Variants in TRHDE observed in about 807,000 individuals in gnomAD.
The protein encoded by TRHDE is thyrotropin releasing hormone degrading enzyme, also known as thyrotropin-releasing hormone-degrading ectoenzyme.
In TRHDE, 72 loss-of-function variants were observed where a neutral mutation model predicts 125.7. The ratio of observed to expected loss-of-function variants is 0.57; its 90% CI spans 0.47 to 0.70. The LOEUF (loss-of-function observed/expected upper bound fraction) is 0.70, where lower values mean the gene tolerates loss of function less well. Among genes scored for constraint, TRHDE ranks in the 30% least tolerant of loss-of-function variants. TRHDE has a pLI of 0.00. For synonymous variants in TRHDE, 509 were observed against 509.1 expected, an observed-to-expected ratio of 1.00 and a Z score of 0.00; for missense variants, 1,110 against 1,327.1, an observed-to-expected ratio of 0.84 and a Z score of 2.54.
intron 2 of TRHDE, among the ~76,000 whole-genome samples, chr12:72,360,651 AGAG>A (rs1158260819): frequency 6.6e-6 from 1 of 151,770 alleles, no homozygotes; most frequent in East Asian, 1.9e-4. Context: ...AGTCTTTTGA[AGAG>A]AAATGGATAA....
chr12:72,661,586 A>C (rs1164317521), intron 18 of TRHDE, among the ~76,000 whole-genome samples: 1 of 152,162 alleles, frequency 6.6e-6, no homozygotes, highest in African/African-American at 2.4e-5. Flanking sequence ...TAAATATATA[A>C]GTACAAATGT....
At chr12:72,643,848 C>A (rs1874168581) in intron 15 of TRHDE, among the ~76,000 whole-genome samples, 1 of 152,072 alleles carries the variant, frequency 6.6e-6, no homozygotes, top group Non-Finnish European at 1.5e-5. Flanking sequence ...TCAAAGATGA[C>A]TGATTAAACT....
intron 2 of TRHDE, among the ~76,000 whole-genome samples, chr12:72,152,791 A>G (rs1362198995): frequency 5.9e-5 from 9 of 152,098 alleles, no homozygotes; most frequent in Non-Finnish European, 8.8e-5. Flanking sequence ...TGCTGGATTC[A>G]GTTTGCCAGT....
intron 5 of TRHDE, among the ~76,000 whole-genome samples, chr12:72,477,262 G>A (rs1391449892): frequency 6.6e-6 from 1 of 152,126 alleles, no homozygotes; most frequent in Non-Finnish European, 1.5e-5. Context: ...GTATAGATAA[G>A]CTAACATTTC....
chr12:72,320,097 A>G (rs1251434311), intron 2 of TRHDE, among the ~76,000 whole-genome samples: 2 of 152,002 alleles, frequency 1.3e-5, no homozygotes, highest in Non-Finnish European at 2.9e-5. Flanking sequence ...TTCCCCTTAC[A>G]CATGATTTTC....
At chr12:72,377,688 T>G (rs1023342786) in intron 2 of TRHDE, among the ~76,000 whole-genome samples, 1 of 152,148 alleles carries the variant, frequency 6.6e-6, no homozygotes, top group African/African-American at 2.4e-5. Context: ...CACTGTACCT[T>G]CCTATCTCTA....
intron 1 of TRHDE, among the ~76,000 whole-genome samples, chr12:72,104,719 A>C (rs2139291252): frequency 6.6e-6 from 1 of 152,320 alleles, no homozygotes; most frequent in African/African-American, 2.4e-5. Flanking sequence ...TTAATAAGAA[A>C]AAGATATATT....
At chr12:72,387,161 A>G (rs1872455590) in intron 3 of TRHDE, among the ~76,000 whole-genome samples, 1 of 152,158 alleles carries the variant, frequency 6.6e-6, no homozygotes, top group South Asian at 2.1e-4. Flanking sequence ...TTGGATGCCT[A>G]ATGAGTATAT....
chr12:72,358,581 G>A lies in TRHDE; in HGVS notation c.1189-19414G>A, dbSNP rs1870927324. ...TTCTACATGGGTTTTCTATTGCGTG[G>A]GGTCAGCGCCTCTAACCCGCACATT... On this transcript the variant is annotated intron_variant, in intron 2 of 18. Transcript: ENST00000261180. Among the ~76,000 whole-genome samples, 3 of 151,364 alleles carry A rather than the reference G, an allele frequency of 2.0e-5. No individual in the cohort carries two copies. In the South Asian group the frequency reaches 6.2e-4, roughly 31 times the overall value.
chr12:72,550,446 A>C (rs1366372265), intron 7 of TRHDE, among the ~76,000 whole-genome samples: 1 of 151,726 alleles, frequency 6.6e-6, no homozygotes, highest in Non-Finnish European at 1.5e-5. Flanking sequence ...TTTTTATTTT[A>C]TGTTCTATTT....
intron 5 of TRHDE, among the ~76,000 whole-genome samples, chr12:72,493,201 A>G (rs1220977592): frequency 1.3e-5 from 2 of 151,958 alleles, no homozygotes; most frequent in Non-Finnish European, 2.9e-5. Context: ...AAGAAATTAT[A>G]TCCAGATATT....
chr12:72,534,615 AC>A (rs1868753133), intron 6 of TRHDE, among the ~76,000 whole-genome samples: 1 of 152,086 alleles, frequency 6.6e-6, no homozygotes, highest in African/African-American at 2.4e-5. Flanking sequence ...AACAATACCT[AC>A]ATACATTTTT....
intron 2 of TRHDE, among the ~76,000 whole-genome samples, chr12:72,308,925 A>G (rs1197438405): frequency 6.6e-6 from 1 of 152,102 alleles, no homozygotes; most frequent in East Asian, 1.9e-4. Flanking sequence ...TGATAACTCT[A>G]ATCCACTTCA....
chr12:72,655,437 T>C (rs889113747), intron 17 of TRHDE, among the ~76,000 whole-genome samples: 4 of 152,216 alleles, frequency 2.6e-5, no homozygotes, highest in African/African-American at 9.6e-5. Context: ...TTCACGTCTC[T>C]TTTTCTTTGT....
intron 5 of TRHDE, among the ~76,000 whole-genome samples, chr12:72,479,903 A>G (rs1877085438): frequency 6.6e-6 from 1 of 151,540 alleles, no homozygotes; most frequent in African/African-American, 2.4e-5. Context: ...ATAAGTGAGA[A>G]CATGCGGTGT....
At chr12:72,284,074 G>A (rs1248531909) in intron 1 of TRHDE, among the ~76,000 whole-genome samples, 1 of 151,974 alleles carries the variant, frequency 6.6e-6, no homozygotes, top group Non-Finnish European at 1.5e-5. Flanking sequence ...AACTTTTTGA[G>A]TACTAACATG....
At chr12:72,090,315 A>T (rs1874760766) in intron 1 of TRHDE, among the ~76,000 whole-genome samples, 1 of 152,174 alleles carries the variant, frequency 6.6e-6, no homozygotes, top group South Asian at 2.1e-4. Context: ...AAGTTTTATT[A>T]ATCTTTTGGC....
At chr12:72,395,446 G>C (rs1470799808) in intron 3 of TRHDE, among the ~76,000 whole-genome samples, 1 of 151,958 alleles carries the variant, frequency 6.6e-6, no homozygotes, top group South Asian at 2.1e-4. Flanking sequence ...TACTCTGCTT[G>C]CAGTCTCCTA....
chr12:72,564,730 C>T (rs1327966235), intron 9 of TRHDE, among the ~76,000 whole-genome samples: 1 of 121,018 alleles, frequency 8.3e-6, no homozygotes, highest in Non-Finnish European at 1.6e-5. Flanking sequence ...TGCAGTGACG[C>T]GATCTCGGCT....
Sources: gnomAD v4.1 joint callset for allele counts (sites outside exome capture counted in the v4.1 genomes callset) on GRCh38, gnomAD v4.1.1 for gene constraint, MANE v1.5 for transcripts, NCBI Gene and HGNC (gene_info 2026-07-23, HGNC 2026-07-21) for gene names.